Variants in RYR1 observed in about 807,000 individuals in gnomAD.
The protein encoded by RYR1 is central core disease of muscle.
Under a neutral mutation model 583.5 loss-of-function variants are expected in RYR1, and 342 were observed. The observed-to-expected ratio is 0.59, with a 90% CI of 0.54 to 0.64. RYR1 has a LOEUF of 0.64. RYR1 is among the 30% of genes least tolerant of loss of function. The probability of loss-of-function intolerance (pLI) is 0.00; values close to 1 mark genes in which losing one functional copy is unlikely to be tolerated. For missense variants in RYR1, 6,032 were observed against 6,917.2 expected, an observed-to-expected ratio of 0.87 and a Z score of 4.54; for synonymous variants, 2,791 against 2,822.5, an observed-to-expected ratio of 0.99 and a Z score of 0.35.
chr19:38,573,645 A>C (rs1170001705), intron 96 of RYR1, among the ~76,000 whole-genome samples: 1 of 144,052 alleles, frequency 6.9e-6, no homozygotes, highest in African/African-American at 2.6e-5. Flanking sequence ...GCACCATTAC[A>C]CTCCAGCCTG....
rs780898260 is a variant in RYR1, at chr19:38,455,253, C to T, written c.1459C>T (p.Leu487=). 2 of 1,614,088 alleles carry T rather than the reference C, an allele frequency of 1.2e-6. No homozygotes were observed. The highest frequency in any genetic ancestry group is 2.2e-5 in the East Asian group (1 of 44,882). The stretch of plus-strand genomic sequence containing the variant: ...ATCCTAGGGGATGCTCTCCATGGTC[C>T]TGAATTGCATAGACCGCCTAAATGT... ...FQEEGMLSMV[L]NCIDRLNVYT... Residue 487 remains leucine, a synonymous_variant, in exon 14 of 106, where the codon CTG becomes TTG. Transcript: ENST00000359596.
chr19:38,434,175 T>C lies in RYR1; in HGVS notation c.45+301T>C, dbSNP rs572819803. 6.6e-5 allele frequency among the ~76,000 whole-genome samples: 10 copies of C among 152,278 alleles called. No homozygotes were observed. The East Asian group carries it at 1.7e-3, about 26-fold the overall frequency. On this transcript the variant is annotated intron_variant, in intron 1 of 105. Transcript: ENST00000359596. ...GAGGGAGCACACCCTCACACCATCT[T>C]GGAAGCAGGCACTTGGGGAAGGTGG...
chr19:38,509,516 G>A (rs1260896897), intron 58 of RYR1, among the ~76,000 whole-genome samples: 2 of 148,058 alleles, frequency 1.4e-5, no homozygotes, highest in Non-Finnish European at 3.0e-5. Context: ...GCAGTGGCGC[G>A]ATCTCAGCTC....
At chr19:38,546,944 C>A (rs529798796) in intron 88 of RYR1, among the ~76,000 whole-genome samples, 1 of 150,098 alleles carries the variant, frequency 6.7e-6, no homozygotes, top group South Asian at 2.1e-4. Flanking sequence ...AGAGCAAGAC[C>A]CTGTCTCAAA....
intron 89 of RYR1, among the ~76,000 whole-genome samples, chr19:38,551,445 GTTCCCTGAGTTAAAATCAAAGTGCCCCA>G (rs1972665438): frequency 1.3e-5 from 2 of 151,906 alleles, no homozygotes; most frequent in Non-Finnish European, 2.9e-5. Context: ...TAAGCTCAGG[GTTCCCTGAGTTAAAATCAAAGTGCCCCA>G]TGCCTTCCAG....
rs762722537 is a variant in RYR1, at chr19:38,587,309, C to T, written c.15022-16C>T. On this transcript the variant is annotated splice_polypyrimidine_tract_variant and intron_variant, in intron 105 of 105. Transcript: ENST00000359596. ...TGAAGATGTGACCAATGAACTCTTT[C>T]TATCCCCAATCCTAGGAGTCTTATG... The T allele has an allele frequency of 1.2e-5, 19 of 1,574,070 alleles. No homozygotes were observed. The South Asian group carries it at 2.0e-4, about 17-fold the overall frequency.
At chr19:38,528,721 TG>T (rs761754772) in intron 75 of RYR1, 26 bp downstream of exon 75, 2 of 1,609,920 alleles carry the variant, frequency 1.2e-6, no homozygotes, top group Admixed American at 1.7e-5. Context: ...CCTGGGGGAG[TG>T]GGGGGCGAGC....
chr19:38,442,324 CACTT>C, intron 2 of RYR1, 21 bp from the exon 3 acceptor site: 3 of 1,501,846 alleles, frequency 2.0e-6, no homozygotes, highest in Non-Finnish European at 1.9e-6. Context: ...TCTGACCCCT[CACTT>C]ACATCCCCCT....
Position 38,587,480 on chromosome 19 carries a change from T to C in RYR1, c.*60T>C, listed in dbSNP as rs1450475250. 1 of 1,254,192 alleles carries C rather than the reference T, an allele frequency of 8.0e-7. No homozygotes were observed. Among genetic ancestry groups the C allele is most frequent in the African/African-American group, 1.5e-5 (1 of 67,750 alleles). The allele number at this position is 1,254,192 out of a possible 1,614,324, so 77.7% of individuals were successfully genotyped here. Reference sequence around the variant, plus strand: ...GTGCCTTATTCTCACAGCAAGCCCCTTAGTCCCCAAGCCCCTCCCCCTAAG... The same window carrying C: ...GTGCCTTATTCTCACAGCAAGCCCCCTAGTCCCCAAGCCCCTCCCCCTAAG... On this transcript the variant is annotated 3_prime_UTR_variant, in exon 106 of 106. Coordinates refer to ENST00000359596, the MANE Select transcript of RYR1 (RefSeq NM_000540.3).
Position 38,494,518 on chromosome 19 carries a change from C to T in RYR1, c.6441C>T (p.Ser2147=). 6.2e-7 allele frequency: 1 copy of T among 1,613,910 alleles called. No homozygotes were observed. The highest frequency in any genetic ancestry group is 1.1e-5 in the South Asian group (1 of 91,072). Residue 2147 remains serine (S), a synonymous_variant, in exon 39 of 106, where the codon TCC becomes TCT. Transcript: ENST00000359596. ...CGCGGGCGTACACCATCTCACCGTC[C>T]TCCGTGGAAGACACCATGAGCCTGC... ...ALPRAYTISP[S]SVEDTMSLLE...
intron 20 of RYR1, among the ~76,000 whole-genome samples, chr19:38,462,650 T>A (rs1967817280): frequency 6.6e-6 from 1 of 152,254 alleles, no homozygotes; most frequent in Non-Finnish European, 1.5e-5. Context: ...ACATTAATGA[T>A]CTCACTGAGT....
At position 38,448,858 on chromosome 19, in the gene RYR1, G is replaced by A. The variant is rs748095122; in HGVS notation, c.1122+45G>A. The A allele has an allele frequency of 2.1e-5, 34 of 1,584,448 alleles. 1 individual carries two copies. The highest frequency in any genetic ancestry group is 1.4e-4 in the Admixed American group (8 of 57,188). On this transcript the variant is annotated intron_variant, in intron 11 of 105. Transcript: ENST00000359596. ...CTCAGGAGGCTGAGGTGGGAGAATCGCTTGAGTCCAGGAGGTCAAGGCTGC... is the reference window on the plus strand; with the variant it reads ...CTCAGGAGGCTGAGGTGGGAGAATCACTTGAGTCCAGGAGGTCAAGGCTGC...
rs759402075 is a variant in RYR1 at position 38,469,019 on chromosome 19, C to T, written c.3435C>T (p.Gly1145=). 6.8e-6 allele frequency: 11 copies of T among 1,614,016 alleles called. No homozygotes were observed. The highest frequency in any genetic ancestry group is 3.3e-5 in the Admixed American group (2 of 59,982). The change falls in exon 26 of 106, where the codon GGC becomes GGT. Residue 1145 remains glycine (G), a synonymous_variant. Coordinates refer to ENST00000359596, the MANE Select transcript of RYR1 (RefSeq NM_000540.3). ...SEPFGRPWQP[G]DVVGCMIDLT... ...CATTTGGGCGCCCCTGGCAGCCGGG[C>T]GATGTCGTTGGCTGTATGATCGACC...
In RYR1 at chr19:38,507,783, T is replaced by C. The variant is rs756870293; in HGVS notation, c.8888T>C (p.Leu2963Pro). 2.5e-6 allele frequency: 4 copies of C among 1,613,942 alleles called. No homozygotes were observed. Among genetic ancestry groups the C allele is most frequent in the Non-Finnish European group, 3.4e-6 (4 of 1,179,858 alleles). Residue 2963 changes from leucine (L) to proline (P), a missense_variant, in exon 58 of 106, where the codon CTG becomes CCG. This residue lies in a region of RYR1 where 1,493 missense variants were observed against 1,715.5 expected (regional missense o/e 0.87). Coordinates refer to ENST00000359596, the MANE Select transcript of RYR1 (RefSeq NM_000540.3). The part of the protein sequence containing the change: ...KRFAFGFLQQ[L>P]LRWMDISQEF... ...TTTGCCTTTGGCTTCCTGCAGCAGC[T>C]GCTGCGCTGGATGGACATTTCTCAG...
Position 38,486,147 on chromosome 19 carries a change from G to C in RYR1, c.5492G>C (p.Gly1831Ala), listed in dbSNP as rs1290969196. Residue 1831 changes from glycine (G) to alanine (A), a missense_variant, in exon 34 of 106, where the codon GGG (glycine) becomes GCG (alanine). Physicochemically the swap from Gly to Ala is moderately conservative, Grantham distance 60 (BLOSUM62 0). Transcript: ENST00000359596. ...DGGQHARDPV[G>A]GSVEFQFVPV... ...GGGCAGCACGCTCGCGACCCCGTCGGGGGCTCCGTGGAGTTCCAGTTTGTG... is the reference window on the plus strand; with the variant it reads ...GGGCAGCACGCTCGCGACCCCGTCGCGGGCTCCGTGGAGTTCCAGTTTGTG... The C allele has an allele frequency of 1.2e-6, 2 of 1,613,172 alleles. No homozygotes were observed.
chr19:38,446,255 A>G (rs952701345), intron 7 of RYR1, among the ~76,000 whole-genome samples: 4 of 151,924 alleles, frequency 2.6e-5, no homozygotes, highest in Non-Finnish European at 1.5e-5. Context: ...GACCCCCCAA[A>G]TTAGGTGCCC....
In RYR1 at chr19:38,483,177, G is replaced by C; in HGVS notation, c.4707+64G>C. On this transcript the variant is annotated intron_variant, in intron 32 of 105. Coordinates refer to ENST00000359596, the MANE Select transcript of RYR1 (RefSeq NM_000540.3). This position sits in a 1 kb window ranked among gnomAD's most constrained non-coding sequence, Gnocchi z 6.3. The stretch of plus-strand genomic sequence containing the variant: ...TGAGGCAGGAGATGTGGGGAGGCCA[G>C]GCGGGCAGAGCCACTGAAGGGGAGG... The C allele has an allele frequency of 6.3e-7, 1 of 1,599,252 alleles. No individual in the cohort carries two copies. Among genetic ancestry groups the C allele is most frequent in the Non-Finnish European group, 8.6e-7 (1 of 1,166,822 alleles).
At position 38,451,811 on chromosome 19, in the gene RYR1, C is replaced by G; in HGVS notation, c.1170C>G (p.Thr390=). The G allele has an allele frequency of 1.2e-6, 2 of 1,614,120 alleles. No homozygotes were observed. Among genetic ancestry groups the G allele is most frequent in the Non-Finnish European group, 1.7e-6 (2 of 1,180,020 alleles). Residue 390 remains threonine (T), a synonymous_variant, in exon 12 of 106, where the codon ACC becomes ACG. Transcript: ENST00000359596. ...ACATGGACGACGCACTGTCGCTGAC[C>G]CGCTGCCAGCAGGAGGAGTCCCAGG... ...EGHMDDALSL[T]RCQQEESQAA...
chr19:38,569,877 G>C (rs1376909153), intron 93 of RYR1, among the ~76,000 whole-genome samples: 2 of 152,182 alleles, frequency 1.3e-5, no homozygotes, highest in Admixed American at 6.6e-5. Flanking sequence ...CAAATAGGAG[G>C]TTGAGGCCAG....
Sources: gnomAD v4.1 joint callset for allele counts (sites outside exome capture counted in the v4.1 genomes callset) on GRCh38, gnomAD v4.1.1 for gene constraint, gnomAD v4.1.1 regional missense constraint, Gnocchi (gnomAD v3.1) non-coding constraint, MANE v1.5 for transcripts, NCBI Gene and HGNC (gene_info 2026-07-23, HGNC 2026-07-21) for gene names.